Variants in AGAP1 observed in about 807,000 individuals in gnomAD.
AGAP1 encodes the protein arf-GAP with GTPase, ANK repeat and PH domain-containing protein 1.
Under a neutral mutation model 105.3 loss-of-function variants are expected in AGAP1, and 29 were observed. The observed-to-expected ratio is 0.28, with a 90% CI of 0.21 to 0.38. The LOEUF (loss-of-function observed/expected upper bound fraction) is 0.38, where lower values mean the gene tolerates loss of function less well. AGAP1 is among the 10% of genes least tolerant of loss of function. The pLI is 1.00. For missense variants in AGAP1, 998 were observed against 1,165.1 expected, an observed-to-expected ratio of 0.86 and a Z score of 2.09; for synonymous variants, 509 against 485.9, an observed-to-expected ratio of 1.05 and a Z score of -0.63.
At chr2:236,097,485 T>A (rs920837957) in intron 16 of AGAP1, among the ~76,000 whole-genome samples, 1 of 143,320 alleles carries the variant, frequency 7.0e-6, no homozygotes, top group Non-Finnish European at 1.5e-5. Context: ...CTTTGCCTCC[T>A]GGGTTCAAGT....
chr2:236,119,997 C>A lies in AGAP1; in HGVS notation c.2115-195C>A, dbSNP rs2059861265. Among the ~76,000 whole-genome samples the A allele has an allele frequency of 6.6e-6, 1 of 152,192 alleles. No homozygotes were observed. Among genetic ancestry groups the A allele is most frequent in the African/African-American group, 2.4e-5 (1 of 41,452 alleles). On this transcript the variant is annotated intron_variant, in intron 16 of 17. Coordinates refer to ENST00000304032, the MANE Select transcript of AGAP1 (RefSeq NM_001037131.3). The surrounding 1 kb of genome is among the most constrained non-coding windows in gnomAD (Gnocchi z 6.6). ...TGACCTGAGAATCTGCATTTCTGGG[C>A]TGATGCTGCTGGTGAGGATACTGTT... is the stretch of plus-strand genomic sequence containing the variant.
intron 1 of AGAP1, among the ~76,000 whole-genome samples, chr2:235,703,196 G>T (rs1249364353): frequency 5.9e-5 from 9 of 152,002 alleles, no homozygotes; most frequent in Admixed American, 5.9e-4. Flanking sequence ...ACAAAGTGCT[G>T]GGATTACAGG....
chr2:235,783,488 T>A, intron 6 of AGAP1: 1 of 419,006 alleles, frequency 2.4e-6, no homozygotes, highest in Non-Finnish European at 4.8e-6. Flanking sequence ...CTGCTGTGTG[T>A]CACTGTGGAG....
intron 16 of AGAP1, among the ~76,000 whole-genome samples, chr2:236,097,195 C>G (rs570970131): frequency 9.6e-4 from 146 of 152,070 alleles, no homozygotes; most frequent in African/African-American, 3.4e-3. Flanking sequence ...ATGATCCAAA[C>G]CCATGATAGG....
In AGAP1 at chr2:236,018,867, C is replaced by A. The variant is rs114207928; in HGVS notation, c.1646-17694C>A. Among the ~76,000 whole-genome samples the A allele has an allele frequency of 2.3e-3, 349 of 152,344 alleles. 1 individual carries two copies. The highest frequency in any genetic ancestry group is 7.9e-3 in the African/African-American group (329 of 41,578). ...GGTACTTCCGTTCACCACAGTGGGC[C>A]AGATCGCTGGAACCCAGTCTCCCCG... On this transcript the variant is annotated intron_variant, in intron 13 of 17. Transcript: ENST00000304032.
chr2:235,820,356 G>A (rs1352731676), intron 9 of AGAP1, among the ~76,000 whole-genome samples: 1 of 152,192 alleles, frequency 6.6e-6, no homozygotes, highest in African/African-American at 2.4e-5. Flanking sequence ...AGGTTACACA[G>A]AAGTGGTCAC....
intron 16 of AGAP1, among the ~76,000 whole-genome samples, chr2:236,094,235 G>A (rs1314204772): frequency 6.6e-6 from 1 of 151,602 alleles, no homozygotes; most frequent in African/African-American, 2.4e-5. Context: ...CAGGAGGATT[G>A]CTCGAGCCCA....
chr2:236,123,820 C>G lies in AGAP1; in HGVS notation c.2371-99C>G, dbSNP rs1156609881. On this transcript the variant is annotated intron_variant, in intron 17 of 17. Transcript: ENST00000304032. This position sits in a 1 kb window ranked among gnomAD's most constrained non-coding sequence, Gnocchi z 4.6. Reference sequence around the variant, plus strand: ...CAGTTGTGTAGCTGGCCCCGCTGTCCAAGCACAAGCCACATGCAAGGGCTG... The same window carrying G: ...CAGTTGTGTAGCTGGCCCCGCTGTCGAAGCACAAGCCACATGCAAGGGCTG... 1 of 1,467,810 alleles carries G rather than the reference C, an allele frequency of 6.8e-7. No individual in the cohort carries two copies. Among genetic ancestry groups the G allele is most frequent in the Non-Finnish European group, 9.3e-7 (1 of 1,074,316 alleles). 90.9% of individuals were successfully genotyped at this position (1,467,810 alleles called of 1,614,324 possible).
chr2:235,564,110 T>A (rs1450586409), intron 1 of AGAP1, among the ~76,000 whole-genome samples: 1 of 152,214 alleles, frequency 6.6e-6, no homozygotes, highest in Non-Finnish European at 1.5e-5. Flanking sequence ...CTTTTGTCAA[T>A]GTACGTTTTT....
At chr2:235,519,629 T>A (rs1004196336) in intron 1 of AGAP1, among the ~76,000 whole-genome samples, 4 of 152,196 alleles carry the variant, frequency 2.6e-5, no homozygotes, top group Non-Finnish European at 5.9e-5. Flanking sequence ...GCTTGAATTT[T>A]TTGAGCTAAG....
chr2:235,651,504 A>G (rs1044621222), intron 1 of AGAP1, among the ~76,000 whole-genome samples: 1 of 152,226 alleles, frequency 6.6e-6, no homozygotes, highest in African/African-American at 2.4e-5. Context: ...AGATTCCCAT[A>G]GGCAAATAGA....
In AGAP1 at chr2:235,601,461, G is replaced by A. The variant is rs1945728675; in HGVS notation, c.163+106612G>A. Among the ~76,000 whole-genome samples, 2 of 152,230 alleles carry A rather than the reference G, an allele frequency of 1.3e-5. No individual in the cohort carries two copies. Among genetic ancestry groups the A allele is most frequent in the African/African-American group, 4.8e-5 (2 of 41,464 alleles). On this transcript the variant is annotated intron_variant, in intron 1 of 17. Coordinates refer to ENST00000304032, the MANE Select transcript of AGAP1 (RefSeq NM_001037131.3). The surrounding 1 kb of genome is among the most constrained non-coding windows in gnomAD (Gnocchi z 4.4). Reference sequence around the variant, plus strand: ...CTCACAGTTCTACATGGCTGGGGAGGCCTCACAGTCATGGCGGAAGGTGAA... The same window carrying A: ...CTCACAGTTCTACATGGCTGGGGAGACCTCACAGTCATGGCGGAAGGTGAA...
chr2:235,969,491 C>G (rs1301728175), intron 13 of AGAP1, among the ~76,000 whole-genome samples: 1 of 152,160 alleles, frequency 6.6e-6, no homozygotes, highest in Admixed American at 6.5e-5. Flanking sequence ...ATGGTAAAAG[C>G]GTGTCTTCAG....
rs1366869394 is a variant in AGAP1, at chr2:235,720,744, C to A, written c.310+3100C>A. On this transcript the variant is annotated intron_variant, in intron 3 of 17. Transcript: ENST00000304032. The surrounding 1 kb of genome is among the most constrained non-coding windows in gnomAD (Gnocchi z 5.0). ...GTATCCTTTATGTCATAATCCTGAC[C>A]CGTGGCTGGGATATGTAGACTGCTG... 1 of 981,256 alleles carries A rather than the reference C, an allele frequency of 1.0e-6. No individual in the cohort carries two copies. Among genetic ancestry groups the A allele is most frequent in the African/African-American group, 1.8e-5 (1 of 57,112 alleles). The allele number at this position is 981,256 out of a possible 1,614,324, so 60.8% of individuals were successfully genotyped here.
rs1247458384 is a variant in AGAP1 at position 235,714,303 on chromosome 2, A to G, written c.223-3254A>G. 6.6e-6 allele frequency among the ~76,000 whole-genome samples: 1 copy of G among 152,160 alleles called. No homozygotes were observed. The highest frequency in any genetic ancestry group is 2.1e-4 in the South Asian group (1 of 4,832). ...AGTGCTGGGATTACAGGCGTGAGCCACCATGCCCAGCCAGGGGTTAGGTTT... is the reference window on the plus strand; with the variant it reads ...AGTGCTGGGATTACAGGCGTGAGCCGCCATGCCCAGCCAGGGGTTAGGTTT... On this transcript the variant is annotated intron_variant, in intron 2 of 17. Coordinates refer to ENST00000304032, the MANE Select transcript of AGAP1 (RefSeq NM_001037131.3). This position sits in a 1 kb window ranked among gnomAD's most constrained non-coding sequence, Gnocchi z 4.1.
chr2:235,681,210 C>T (rs1479807098), intron 1 of AGAP1, among the ~76,000 whole-genome samples: 4 of 152,152 alleles, frequency 2.6e-5, no homozygotes, highest in Non-Finnish European at 2.9e-5. Context: ...GGGGCTTCAC[C>T]GTGTTAGCCA....
chr2:235,776,154 G>A (rs533231811), intron 6 of AGAP1, among the ~76,000 whole-genome samples: 3 of 152,302 alleles, frequency 2.0e-5, no homozygotes, highest in Admixed American at 2.0e-4. Flanking sequence ...AAGTGGACCT[G>A]TTTCAAAATT....
At position 236,045,955 on chromosome 2, in the gene AGAP1, C is replaced by T. The variant is rs541215894; in HGVS notation, c.1892-3104C>T. 23 of 471,528 alleles carry T rather than the reference C, an allele frequency of 4.9e-5. No homozygotes were observed. The highest frequency in any genetic ancestry group is 1.4e-4 in the Admixed American group (6 of 42,562). 29.2% of individuals were successfully genotyped at this position (471,528 alleles called of 1,614,324 possible). ...TTTGGGTTTCAGAGAATTCGGAGTC[C>T]GGCACAGGAATGTGTCCCACGCATG... On this transcript the variant is annotated intron_variant, in intron 15 of 17. Coordinates refer to ENST00000304032, the MANE Select transcript of AGAP1 (RefSeq NM_001037131.3). This position sits in a 1 kb window ranked among gnomAD's most constrained non-coding sequence, Gnocchi z 6.9.
intron 9 of AGAP1, among the ~76,000 whole-genome samples, chr2:235,822,848 C>A (rs1958871230): frequency 6.6e-6 from 1 of 152,150 alleles, no homozygotes; most frequent in African/African-American, 2.4e-5. Context: ...TGGTCGTGGA[C>A]CCCGACGGGT....
Sources: gnomAD v4.1 joint callset for allele counts (sites outside exome capture counted in the v4.1 genomes callset) on GRCh38, gnomAD v4.1.1 for gene constraint, Gnocchi (gnomAD v3.1) non-coding constraint, MANE v1.5 for transcripts, NCBI Gene and HGNC (gene_info 2026-07-23, HGNC 2026-07-21) for gene names.